Variants in TXNRD2 observed in about 807,000 individuals in gnomAD.
TXNRD2 encodes the protein thioredoxin reductase 2.
In TXNRD2, 67 loss-of-function variants were observed where a neutral mutation model predicts 70.8. That is an observed-to-expected ratio of 0.95 (90% confidence interval 0.78 to 1.16). The LOEUF (loss-of-function observed/expected upper bound fraction) is 1.16. TXNRD2 is among the 50% of genes most tolerant of loss of function. The probability of loss-of-function intolerance (pLI) is 0.00; values close to 1 mark genes in which losing one functional copy is unlikely to be tolerated. For missense variants in TXNRD2, 644 were observed against 719.9 expected (o/e 0.89, Z 1.21); for synonymous variants, 301 against 295.8 (o/e 1.02, Z -0.18).
intron 11 of TXNRD2, among the ~76,000 whole-genome samples, chr22:19,888,682 C>T (rs910422503): frequency 2.0e-5 from 3 of 151,924 alleles, no homozygotes; most frequent in Non-Finnish European, 4.4e-5. Flanking sequence ...CGATGCGAGG[C>T]GGGCACGGCT....
chr22:19,938,161 G>C (rs1941594026), intron 1 of TXNRD2: 1 of 152,074 alleles, frequency 6.6e-6, no homozygotes, highest in Admixed American at 6.5e-5. Flanking sequence ...GGTTCGGTGG[G>C]CCTGGTGTTA....
chr22:19,933,549 T>C, intron 1 of TXNRD2: 2 of 1,278,882 alleles, frequency 1.6e-6, no homozygotes, highest in Non-Finnish European at 2.0e-6. Context: ...GGTGAGCAGC[T>C]GTCTGTATGG....
chr22:19,887,787 T>G (rs1939096628), intron 11 of TXNRD2: 1 of 152,332 alleles, frequency 6.6e-6, no homozygotes, highest in South Asian at 2.1e-4. Context: ...CCAGCCATCC[T>G]GAAGGCAGGC....
chr22:19,898,164 C>A, intron 9 of TXNRD2, 34 bp from the exon 10 acceptor site: 2 of 1,542,996 alleles, frequency 1.3e-6, no homozygotes, highest in Non-Finnish European at 1.8e-6. Flanking sequence ...ACTGTAGATC[C>A]CAATTTTGGA....
rs528300515 is a variant in TXNRD2, at chr22:19,939,893, G to A, written c.103+1808C>T. On this transcript the variant is annotated intron_variant, in intron 1 of 17. Coordinates refer to ENST00000400521, the MANE Select transcript of TXNRD2 (RefSeq NM_006440.5). ...AAAACCATATCCTAAAAATTTTGAG[G>A]GCCCATCTAAAACTTCAATTTGGGA... 2.6e-5 allele frequency among the ~76,000 whole-genome samples: 4 copies of A among 152,076 alleles called. No individual in the cohort carries two copies. The East Asian group carries it at 7.7e-4, about 29-fold the overall frequency.
intron 15 of TXNRD2, 37 bp from the exon 16 acceptor site, chr22:19,878,224 G>A: frequency 6.2e-7 from 1 of 1,605,486 alleles, no homozygotes; most frequent in Non-Finnish European, 8.5e-7. Flanking sequence ...GCCCAGGAGG[G>A]GGCTGGGTTG....
chr22:19,932,137 G>A (rs1941386289), intron 1 of TXNRD2, among the ~76,000 whole-genome samples: 2 of 146,130 alleles, frequency 1.4e-5, no homozygotes, highest in Non-Finnish European at 1.5e-5. Flanking sequence ...CTCCAGCCTG[G>A]GAGACAGAGT....
intron 2 of TXNRD2, among the ~76,000 whole-genome samples, chr22:19,925,089 C>T (rs775501147): frequency 1.3e-5 from 2 of 151,438 alleles, no homozygotes. Flanking sequence ...TCGAGACCAT[C>T]CTGGCTAACA....
chr22:19,915,689 C>T (rs1940604874), intron 6 of TXNRD2, 76 bp downstream of exon 6: 1 of 1,382,230 alleles, frequency 7.2e-7, no homozygotes, highest in African/African-American at 1.4e-5. Flanking sequence ...GCACCCAGGC[C>T]AAACACAGCT....
At chr22:19,894,208 C>G (rs1210067947) in intron 11 of TXNRD2, 1 of 152,206 alleles carries the variant, frequency 6.6e-6, no homozygotes, top group Non-Finnish European at 1.5e-5. Flanking sequence ...TGAAGTCCCT[C>G]GAGGAGTCAG....
intron 2 of TXNRD2, among the ~76,000 whole-genome samples, chr22:19,925,405 G>A (rs1324364735): frequency 6.6e-6 from 1 of 151,908 alleles, no homozygotes; most frequent in Non-Finnish European, 1.5e-5. Flanking sequence ...AATGCTAAAG[G>A]ATGCCCTTAA....
rs150844260 is a variant in TXNRD2 at position 19,919,852 on chromosome 22, G to A, written c.173-253C>T. On this transcript the variant is annotated intron_variant, in intron 2 of 17. Coordinates refer to ENST00000400521, the MANE Select transcript of TXNRD2 (RefSeq NM_006440.5). Reference sequence around the variant, plus strand: ...TTTCTGGCACTGCCCACCCAGCTGCGCTGCCCACAGGCAGGAGCCCTCAGA... The same window carrying A: ...TTTCTGGCACTGCCCACCCAGCTGCACTGCCCACAGGCAGGAGCCCTCAGA... 6.5e-3 allele frequency among the ~76,000 whole-genome samples: 996 copies of A among 152,274 alleles called. 3 individuals are homozygous for A. The highest frequency in any genetic ancestry group is 0.014 in the Middle Eastern group (4 of 294).
intron 11 of TXNRD2, among the ~76,000 whole-genome samples, chr22:19,892,387 G>A (rs566492711): frequency 2.6e-5 from 4 of 152,368 alleles, no homozygotes; most frequent in East Asian, 1.9e-4. Context: ...CGCCGCCCTC[G>A]GGAAGCAGGG....
intron 1 of TXNRD2, chr22:19,933,599 AC>A: frequency 1.0e-6 from 1 of 982,748 alleles, no homozygotes; most frequent in Non-Finnish European, 1.4e-6. Context: ...CCCTGTGCAC[AC>A]CCAGGAGCCC....
intron 3 of TXNRD2, among the ~76,000 whole-genome samples, chr22:19,919,322 C>T (rs1267454671): frequency 8.0e-6 from 1 of 125,166 alleles, no homozygotes; most frequent in Non-Finnish European, 1.7e-5. Flanking sequence ...CTTGGCTTCC[C>T]AAAGTGCTGT....
At chr22:19,903,068 C>T in intron 8 of TXNRD2, 1 of 518,062 alleles carries the variant, frequency 1.9e-6, no homozygotes, top group Non-Finnish European at 3.9e-6. Flanking sequence ...CAGACAGCAG[C>T]AGGCTGGTGG....
intron 8 of TXNRD2, among the ~76,000 whole-genome samples, chr22:19,909,139 G>A (rs1940201487): frequency 1.3e-5 from 2 of 150,642 alleles, no homozygotes; most frequent in African/African-American, 4.9e-5. Context: ...CCGGGAGGCA[G>A]AGGTTGCAGT....
At chr22:19,876,919 C>A (rs371940908) in intron 17 of TXNRD2, 121 bp downstream of exon 17, 2 of 653,206 alleles carry the variant, frequency 3.1e-6, no homozygotes, top group Non-Finnish European at 4.7e-6. Context: ...GGATGGAGCA[C>A]CCATTCTGGG....
intron 8 of TXNRD2, among the ~76,000 whole-genome samples, chr22:19,908,569 G>A (rs1390937874): frequency 3.3e-5 from 5 of 152,210 alleles, no homozygotes; most frequent in Admixed American, 1.3e-4. Context: ...TGGTGTGGGC[G>A]CTGTTGGGAA....
Sources: gnomAD v4.1 joint callset for allele counts (sites outside exome capture counted in the v4.1 genomes callset) on GRCh38, gnomAD v4.1.1 for gene constraint, MANE v1.5 for transcripts, NCBI Gene and HGNC (gene_info 2026-07-23, HGNC 2026-07-21) for gene names.